KRT72: variants seen among roughly 807,000 people sequenced by gnomAD.
KRT72 encodes the protein keratin 72.
A neutral mutation model predicts 44.7 loss-of-function variants in KRT72; 44 were observed. That is an observed-to-expected ratio of 0.98 (90% CI 0.77 to 1.27). KRT72 has a LOEUF of 1.27. KRT72 is among the 50% of genes most tolerant of loss of function. The pLI is 0.00. For synonymous variants in KRT72, 302 were observed against 280.4 expected, an observed-to-expected ratio of 1.08 and a Z score of -0.77; for missense variants, 736 against 667.1, an observed-to-expected ratio of 1.10 and a Z score of -1.14.
intron 1 of KRT72, chr12:52,599,356 A>C (rs1452258388): frequency 3.4e-6 from 2 of 586,860 alleles, no homozygotes; most frequent in Admixed American, 2.1e-5. Flanking sequence ...CCTCTGCCTC[A>C]GTGAGTTTTC....
intron 6 of KRT72, 119 bp from the exon 7 acceptor site, chr12:52,587,970 A>G (rs1939847684): frequency 9.6e-7 from 1 of 1,041,944 alleles, no homozygotes; most frequent in African/African-American, 1.6e-5. Flanking sequence ...CTCCTGGTTT[A>G]TCCAACTTTG....
intron 3 of KRT72, 94 bp downstream of exon 3, chr12:52,592,798 G>T: frequency 9.4e-7 from 1 of 1,069,286 alleles, no homozygotes. Flanking sequence ...AAGGGACTGA[G>T]TGACCTACAG....
At chr12:52,593,148 C>A (rs1940112599) in intron 2 of KRT72, among the ~76,000 whole-genome samples, 196 bp from the exon 3 acceptor site, 1 of 152,210 alleles carries the variant, frequency 6.6e-6, no homozygotes, top group South Asian at 2.1e-4. Flanking sequence ...CTCCTTTGTG[C>A]CTGTGCATTC....
At chr12:52,599,292 T>C (rs899993021) in intron 1 of KRT72, 180 bp from the exon 2 acceptor site, 6 of 679,588 alleles carry the variant, frequency 8.8e-6, no homozygotes, top group East Asian at 2.9e-5. Flanking sequence ...AGACAAGAAA[T>C]AGGACCCGGT....
At chr12:52,591,684 C>A in intron 4 of KRT72, 56 bp from the exon 5 acceptor site, 1 of 1,516,412 alleles carries the variant, frequency 6.6e-7, no homozygotes, top group Non-Finnish European at 9.0e-7. Context: ...GGAACCAGTT[C>A]TCTTGGTCCT....
intron 6 of KRT72, 32 bp from the exon 7 acceptor site, chr12:52,587,883 T>C (rs374793445): frequency 1.5e-5 from 24 of 1,598,284 alleles, no homozygotes; most frequent in Non-Finnish European, 1.9e-5. Flanking sequence ...CACTTAAGAG[T>C]CAGAGCCCAG....
chr12:52,592,288 G>A, intron 4 of KRT72, 108 bp downstream of exon 4: 1 of 777,694 alleles, frequency 1.3e-6, no homozygotes, highest in South Asian at 1.5e-5. Context: ...GCACCAGGTT[G>A]AAAGCTTTCT....
chr12:52,602,606 T>C (rs1358655081), upstream of KRT72, among the ~76,000 whole-genome samples: 1 of 152,220 alleles, frequency 6.6e-6, no homozygotes, highest in Non-Finnish European at 1.5e-5. Context: ...TGGGTGTGTG[T>C]TCCATTTCCT....
intron 5 of KRT72, among the ~76,000 whole-genome samples, chr12:52,591,213 T>A (rs1314723344): frequency 6.6e-6 from 1 of 152,182 alleles, no homozygotes; most frequent in Non-Finnish European, 1.5e-5. Flanking sequence ...TGGTGTGGCC[T>A]CAGCCAAGGG....
intron 7 of KRT72, among the ~76,000 whole-genome samples, chr12:52,587,344 G>A (rs999159252): frequency 2.0e-5 from 3 of 152,148 alleles, no homozygotes; most frequent in Non-Finnish European, 4.4e-5. Flanking sequence ...AGCCCTTAGA[G>A]GCCATCTTGC....
chr12:52,591,278 G>T (rs1162827811), intron 5 of KRT72, among the ~76,000 whole-genome samples, 186 bp downstream of exon 5: 1 of 152,202 alleles, frequency 6.6e-6, no homozygotes, highest in African/African-American at 2.4e-5. Flanking sequence ...AGCCAAGACT[G>T]TAGTTAATCT....
chr12:52,600,646 G>A (rs995074359), intron 1 of KRT72, among the ~76,000 whole-genome samples: 2 of 151,938 alleles, frequency 1.3e-5, no homozygotes, highest in African/African-American at 2.4e-5. Flanking sequence ...TCTGGCCGCC[G>A]CCATATAAGA....
intron 1 of KRT72, 93 bp downstream of exon 1, chr12:52,600,934 C>T: frequency 7.2e-7 from 1 of 1,395,156 alleles, no homozygotes; most frequent in Non-Finnish European, 9.8e-7. Context: ...GGTTATGACC[C>T]GCCCACGCTC....
intron 6 of KRT72, among the ~76,000 whole-genome samples, chr12:52,588,547 G>A (rs141865064): frequency 6.6e-6 from 1 of 152,288 alleles, no homozygotes; most frequent in African/African-American, 2.4e-5. Context: ...AAAAAAAATA[G>A]CTAATGCATG....
At chr12:52,592,861 C>T (rs376146211) in intron 3 of KRT72, 31 bp downstream of exon 3, 16 of 1,607,472 alleles carry the variant, frequency 1.0e-5, no homozygotes, top group African/African-American at 1.3e-5. Flanking sequence ...CAGGTCTAGG[C>T]TTCTTCCAGC....
In KRT72 at chr12:52,599,109, G is replaced by A. The variant is rs770174500; in HGVS notation, c.430C>T (p.Arg144Trp). Residue 144 changes from arginine (R) to tryptophan (W), a missense_variant, in exon 2 of 9, where the codon CGG becomes TGG. By Grantham distance (101) the Arg-to-Trp change is moderately radical (BLOSUM62 -3). Coordinates refer to ENST00000293745, the MANE Select transcript of KRT72 (RefSeq NM_080747.3). The part of the protein sequence containing the change: ...NKFASFIDKV[R>W]FLEQQNQVLE... ...ACCTGATTCTGCTGCTCCAGGAACC[G>A]CACCTGGAACCCAAAGGCAGTCATC... 1.9e-6 allele frequency: 3 copies of A among 1,613,816 alleles called. No homozygotes were observed. Among genetic ancestry groups the A allele is most frequent in the East Asian group, 2.2e-5 (1 of 44,892 alleles).
chr12:52,586,915 A>G (rs1207246702), intron 8 of KRT72, 31 bp downstream of exon 8: 3 of 1,608,250 alleles, frequency 1.9e-6, no homozygotes, highest in Non-Finnish European at 2.6e-6. Flanking sequence ...TAAGGTGACC[A>G]AGGGCAGAAC....
upstream of KRT72, among the ~76,000 whole-genome samples, chr12:52,601,960 G>C (rs1408060286): frequency 6.6e-6 from 1 of 152,202 alleles, no homozygotes; most frequent in Non-Finnish European, 1.5e-5. Flanking sequence ...TGCCTCCCAG[G>C]CTTCTGGATG....
chr12:52,601,711 C>A (rs1940471992), upstream of KRT72: 1 of 517,830 alleles, frequency 1.9e-6, no homozygotes, highest in Non-Finnish European at 3.4e-6. Flanking sequence ...CCAGCATTTA[C>A]TTGGCTCACC....
Sources: allele counts gnomAD v4.1 joint callset (sites outside exome capture counted in the v4.1 genomes callset), GRCh38; gene constraint gnomAD v4.1.1; transcripts MANE v1.5; gene names NCBI Gene and HGNC (gene_info 2026-07-23, HGNC 2026-07-21).